ST6GALNAC3: variants seen among roughly 807,000 people sequenced by gnomAD.
ST6GALNAC3 encodes ST6 N-acetylgalactosaminide alpha-2,6-sialyltransferase 3.
ST6GALNAC3 carries 25 observed loss-of-function variants against 32.7 expected under a neutral mutation model. That is an observed-to-expected ratio of 0.76 (90% CI 0.56 to 1.07). ST6GALNAC3 has a LOEUF of 1.07. ST6GALNAC3 is among the 50% of genes least tolerant of loss of function. The pLI is 0.00. For synonymous variants in ST6GALNAC3, 129 were observed against 133.1 expected, an observed-to-expected ratio of 0.97 and a Z score of 0.21; for missense variants, 355 against 382.4, an observed-to-expected ratio of 0.93 and a Z score of 0.60.
intron 1 of ST6GALNAC3, among the ~76,000 whole-genome samples, chr1:76,123,238 G>C (rs1408837258): frequency 6.6e-6 from 1 of 152,092 alleles, no homozygotes; most frequent in Non-Finnish European, 1.5e-5. Flanking sequence ...TGGGCATGGT[G>C]GCAGACGCCT....
intron 1 of ST6GALNAC3, among the ~76,000 whole-genome samples, chr1:76,146,214 G>C (rs1244227754): frequency 6.6e-6 from 1 of 152,162 alleles, no homozygotes; most frequent in East Asian, 1.9e-4. Flanking sequence ...TCCTTTTCTT[G>C]CTTCTTCAAA....
intron 3 of ST6GALNAC3, among the ~76,000 whole-genome samples, chr1:76,553,431 C>T (rs937027492): frequency 6.6e-6 from 1 of 152,130 alleles, no homozygotes; most frequent in African/African-American, 2.4e-5. Flanking sequence ...CACTCAGGCC[C>T]GTGCCATATA....
intron 1 of ST6GALNAC3, among the ~76,000 whole-genome samples, chr1:76,116,500 T>C (rs754431895): frequency 8.5e-5 from 13 of 152,118 alleles, no homozygotes; most frequent in Non-Finnish European, 1.8e-4. Flanking sequence ...CCACAGATGA[T>C]TGATCCAGGG....
intron 2 of ST6GALNAC3, among the ~76,000 whole-genome samples, chr1:76,382,048 C>G (rs1651751917): frequency 6.6e-6 from 1 of 152,126 alleles, no homozygotes; most frequent in Admixed American, 6.6e-5. Flanking sequence ...ATGGCAGATT[C>G]TCAATTGAGA....
In ST6GALNAC3 at chr1:76,573,214, G is replaced by A. The variant is rs190560400; in HGVS notation, c.624-54238G>A. 4.9e-4 allele frequency among the ~76,000 whole-genome samples: 75 copies of A among 152,164 alleles called. No individual in the cohort carries two copies. In the Middle Eastern group the frequency reaches 0.01, roughly 21 times the overall value. ...TGATTTCTACAGACACTTTTTAAGC[G>A]ATTACCAGTGCTGGCAAGTGGAACT... On this transcript the variant is annotated intron_variant, in intron 3 of 4. Transcript: ENST00000328299.
chr1:76,527,767 A>G (rs942448391), intron 3 of ST6GALNAC3, among the ~76,000 whole-genome samples: 2 of 152,160 alleles, frequency 1.3e-5, no homozygotes, highest in South Asian at 2.1e-4. Flanking sequence ...TGCTGCCAGA[A>G]TAGCACTCAT....
intron 1 of ST6GALNAC3, among the ~76,000 whole-genome samples, chr1:76,162,529 A>G (rs1344574546): frequency 1.3e-5 from 2 of 152,224 alleles, no homozygotes; most frequent in African/African-American, 4.8e-5. Flanking sequence ...TCTTCACCGT[A>G]TAATGGGGGA....
chr1:76,341,799 T>C (rs1043852114), intron 2 of ST6GALNAC3, among the ~76,000 whole-genome samples: 2 of 151,888 alleles, frequency 1.3e-5, no homozygotes, highest in African/African-American at 4.8e-5. Context: ...CATGATGGTT[T>C]GCTGCACCCA....
At chr1:76,391,694 C>T (rs576402602) in intron 2 of ST6GALNAC3, among the ~76,000 whole-genome samples, 2 of 152,094 alleles carry the variant, frequency 1.3e-5, no homozygotes, top group African/African-American at 2.4e-5. Context: ...CTTCTTCCTA[C>T]TTACCCTAGA....
intron 3 of ST6GALNAC3, among the ~76,000 whole-genome samples, chr1:76,442,744 C>T (rs1286029595): frequency 6.6e-6 from 1 of 152,146 alleles, no homozygotes; most frequent in Admixed American, 6.5e-5. Context: ...TTGGCATAGT[C>T]CCTTTTAGGA....
At chr1:76,273,047 G>T (rs1430917511) in intron 1 of ST6GALNAC3, among the ~76,000 whole-genome samples, 1 of 152,106 alleles carries the variant, frequency 6.6e-6, no homozygotes, top group African/African-American at 2.4e-5. Context: ...TTTAAAAATA[G>T]CTTTCTTTTC....
At chr1:76,341,641 CTT>C in intron 2 of ST6GALNAC3, among the ~76,000 whole-genome samples, 1 of 139,550 alleles carries the variant, frequency 7.2e-6, no homozygotes, top group Admixed American at 7.2e-5. Context: ...TTCTTTCTTT[CTT>C]TCTTTCTTTC....
chr1:76,330,404 C>G (rs1570852087), intron 2 of ST6GALNAC3, among the ~76,000 whole-genome samples: 1 of 152,192 alleles, frequency 6.6e-6, no homozygotes, highest in African/African-American at 2.4e-5. Flanking sequence ...GATCCGCCTA[C>G]CTCAGCCTCC....
At chr1:76,174,419 A>G (rs1652715151) in intron 1 of ST6GALNAC3, among the ~76,000 whole-genome samples, 1 of 151,728 alleles carries the variant, frequency 6.6e-6, no homozygotes, top group African/African-American at 2.4e-5. Context: ...CATTCTGCAC[A>G]TGTATCTCAT....
At chr1:76,488,273 C>T (rs1396205124) in intron 3 of ST6GALNAC3, among the ~76,000 whole-genome samples, 1 of 152,054 alleles carries the variant, frequency 6.6e-6, no homozygotes, top group Admixed American at 6.6e-5. Context: ...GGCACCTCCA[C>T]CCCCACTCTC....
chr1:76,304,440 C>T (rs1660917776), intron 1 of ST6GALNAC3, among the ~76,000 whole-genome samples: 1 of 144,444 alleles, frequency 6.9e-6, no homozygotes, highest in Non-Finnish European at 1.5e-5. Context: ...GGAACAAATG[C>T]TTTATGGGGG....
chr1:76,224,007 A>T (rs1451995144), intron 1 of ST6GALNAC3, among the ~76,000 whole-genome samples: 1 of 152,182 alleles, frequency 6.6e-6, no homozygotes, highest in Non-Finnish European at 1.5e-5. Flanking sequence ...CTAACTCTTT[A>T]GTAAGAAATA....
At chr1:76,507,178 T>C (rs539371494) in intron 3 of ST6GALNAC3, among the ~76,000 whole-genome samples, 3 of 152,296 alleles carry the variant, frequency 2.0e-5, no homozygotes, top group Admixed American at 1.3e-4. Flanking sequence ...GGAGGTAATA[T>C]GGTCAAGTAA....
intron 3 of ST6GALNAC3, among the ~76,000 whole-genome samples, chr1:76,548,909 C>T (rs1044807272): frequency 3.3e-5 from 5 of 152,104 alleles, no homozygotes; most frequent in African/African-American, 1.2e-4. Context: ...CCACTGTATC[C>T]CCAGCCTTTA....
Sources: gnomAD v4.1 joint callset for allele counts (sites outside exome capture counted in the v4.1 genomes callset) on GRCh38, gnomAD v4.1.1 for gene constraint, MANE v1.5 for transcripts, NCBI Gene and HGNC (gene_info 2026-07-23, HGNC 2026-07-21) for gene names.